Variants in MCTP1 observed in about 807,000 individuals in gnomAD.
MCTP1 encodes multiple C2 and transmembrane domain-containing protein 1.
In MCTP1, 69 loss-of-function variants were observed where a neutral mutation model predicts 120.6. That is an observed-to-expected ratio of 0.57 (90% CI 0.47 to 0.70). MCTP1 has a LOEUF of 0.70. Among genes scored for constraint, MCTP1 ranks in the 30% least tolerant of loss-of-function variants. The probability of loss-of-function intolerance (pLI) is 0.00; values close to 1 mark genes in which losing one functional copy is unlikely to be tolerated. For synonymous variants in MCTP1, 529 were observed against 493.1 expected (o/e 1.07, Z -0.96); for missense variants, 1,203 against 1,248.8 (o/e 0.96, Z 0.55).
intron 1 of MCTP1, among the ~76,000 whole-genome samples, chr5:95,157,142 A>T (rs935284263): frequency 6.6e-6 from 1 of 152,224 alleles, no homozygotes; most frequent in South Asian, 2.1e-4. Flanking sequence ...ATATATGTAA[A>T]TTAGTGAAAA....
chr5:95,199,731 C>T lies in MCTP1; in HGVS notation c.720+84125G>A, dbSNP rs112992554. ...AAAATTAGCCGGGTGTGGTGGTGCA[C>T]GCCTGTAATCCCAGCTACTCAGGAG... is the stretch of plus-strand genomic sequence containing the variant. On this transcript the variant is annotated intron_variant, in intron 1 of 22. Coordinates refer to ENST00000515393, the MANE Select transcript of MCTP1 (RefSeq NM_024717.7). Among the ~76,000 whole-genome samples, 411 of 151,348 alleles carry T rather than the reference C, an allele frequency of 2.7e-3. 2 individuals carry two copies. The highest frequency in any genetic ancestry group is 9.6e-3 in the African/African-American group (394 of 41,212).
intron 3 of MCTP1, among the ~76,000 whole-genome samples, chr5:94,952,101 G>A (rs2153530710): frequency 7.0e-6 from 1 of 143,238 alleles, no homozygotes; most frequent in African/African-American, 2.6e-5. Context: ...GAAACCAAGA[G>A]ATGAACGTTG....
At chr5:95,147,386 A>T (rs1760492043) in intron 1 of MCTP1, among the ~76,000 whole-genome samples, 1 of 152,100 alleles carries the variant, frequency 6.6e-6, no homozygotes, top group Non-Finnish European at 1.5e-5. Flanking sequence ...GCGCCCAGCT[A>T]TTGGGTGCTT....
At chr5:95,164,396 A>G (rs1052062912) in intron 1 of MCTP1, among the ~76,000 whole-genome samples, 3 of 152,178 alleles carry the variant, frequency 2.0e-5, no homozygotes, top group Non-Finnish European at 4.4e-5. Flanking sequence ...GCAACTTACC[A>G]CAGAGGGCAA....
intron 1 of MCTP1, among the ~76,000 whole-genome samples, chr5:95,254,604 T>A (rs1757694111): frequency 6.6e-6 from 1 of 152,182 alleles, no homozygotes; most frequent in South Asian, 2.1e-4. Flanking sequence ...TTGAGCCATA[T>A]GGGAGCTATA....
At chr5:95,230,389 G>A (rs1329878235) in intron 1 of MCTP1, among the ~76,000 whole-genome samples, 1 of 152,032 alleles carries the variant, frequency 6.6e-6, no homozygotes, top group Non-Finnish European at 1.5e-5. Context: ...TGTAAGTTTC[G>A]GGGCTGATAT....
intron 1 of MCTP1, among the ~76,000 whole-genome samples, chr5:95,137,404 C>T (rs1349645228): frequency 6.6e-6 from 1 of 152,248 alleles, no homozygotes; most frequent in Non-Finnish European, 1.5e-5. Flanking sequence ...GCTTGTAAAA[C>T]ACTTTGTACC....
intron 3 of MCTP1, among the ~76,000 whole-genome samples, chr5:94,942,888 A>C (rs56303305): frequency 0.18 from 27,397 of 152,092 alleles, 3,143 homozygotes; most frequent in South Asian, 0.29. Flanking sequence ...CTACTTTATA[A>C]AGTTATACTA....
At chr5:94,850,700 T>A (rs572423370) in intron 17 of MCTP1, among the ~76,000 whole-genome samples, 1 of 152,264 alleles carries the variant, frequency 6.6e-6, no homozygotes, top group South Asian at 2.1e-4. Context: ...TCTTTCTGAA[T>A]AATGTACATT....
At chr5:95,002,141 G>A (rs547107981) in intron 2 of MCTP1, among the ~76,000 whole-genome samples, 1 of 152,336 alleles carries the variant, frequency 6.6e-6, no homozygotes, top group East Asian at 1.9e-4. Flanking sequence ...AAGAATTGAC[G>A]TTTGAGAACC....
Position 95,096,955 on chromosome 5 carries a change from T to G in MCTP1, c.721-79471A>C, listed in dbSNP as rs566715579. 2.0e-5 allele frequency among the ~76,000 whole-genome samples: 3 copies of G among 152,296 alleles called. No homozygotes were observed. In the East Asian group the frequency reaches 5.8e-4, roughly 29 times the overall value. ...AGCTACACAATTTTGTGTGATTCCA[T>G]TATGTCTTTGCATTTTCATGATGTT... On this transcript the variant is annotated intron_variant, in intron 1 of 22. Transcript: ENST00000515393.
intron 17 of MCTP1, among the ~76,000 whole-genome samples, chr5:94,854,673 T>G (rs1246092568): frequency 2.0e-5 from 3 of 151,944 alleles, no homozygotes; most frequent in Admixed American, 2.0e-4. Flanking sequence ...GACCCATTAG[T>G]CCCCATACTG....
intron 1 of MCTP1, among the ~76,000 whole-genome samples, chr5:95,204,484 C>G (rs1751408722): frequency 6.6e-6 from 1 of 152,178 alleles, no homozygotes; most frequent in African/African-American, 2.4e-5. Flanking sequence ...GATGTTTGCT[C>G]TCTTCACATC....
chr5:94,863,767 T>C (rs1273417928), intron 17 of MCTP1, among the ~76,000 whole-genome samples: 2 of 151,838 alleles, frequency 1.3e-5, no homozygotes, highest in African/African-American at 2.4e-5. Context: ...TGGTCATTAT[T>C]ACATTCCCAT....
At position 95,201,433 on chromosome 5, in the gene MCTP1, T is replaced by C. The variant is rs138712219; in HGVS notation, c.720+82423A>G. On this transcript the variant is annotated intron_variant, in intron 1 of 22. Coordinates refer to ENST00000515393, the MANE Select transcript of MCTP1 (RefSeq NM_024717.7). ...TATAGGGATGAGTGTATTTTTTAAG[T>C]ACAAAAGGGATAAAATGTAAAGGAA... 2.7e-5 allele frequency among the ~76,000 whole-genome samples: 4 copies of C among 146,808 alleles called. No individual in the cohort carries two copies. In the East Asian group the frequency reaches 6.0e-4, roughly 22 times the overall value.
At chr5:95,235,356 C>A (rs1328856271) in intron 1 of MCTP1, among the ~76,000 whole-genome samples, 1 of 151,790 alleles carries the variant, frequency 6.6e-6, no homozygotes, top group South Asian at 2.1e-4. Context: ...CAGCTAACAT[C>A]ATAATGAAGA....
chr5:94,813,621 A>G (rs777762169), intron 17 of MCTP1, among the ~76,000 whole-genome samples: 3 of 152,154 alleles, frequency 2.0e-5, no homozygotes, highest in Non-Finnish European at 2.9e-5. Flanking sequence ...CTATTCAGTA[A>G]TAAAAAGAAG....
intron 1 of MCTP1, among the ~76,000 whole-genome samples, chr5:95,207,998 GGA>G (rs1271186735): frequency 1.1e-5 from 1 of 90,620 alleles, no homozygotes; most frequent in Admixed American, 1.1e-4. Flanking sequence ...AGAAAGAGAG[GGA>G]GAGAGAGGGA....
chr5:94,960,191 T>C (rs530406869), intron 2 of MCTP1, among the ~76,000 whole-genome samples: 1 of 152,152 alleles, frequency 6.6e-6, no homozygotes, highest in Non-Finnish European at 1.5e-5. Context: ...ATTTAATACA[T>C]GGTGTTGGGA....
Sources: allele counts gnomAD v4.1 joint callset (sites outside exome capture counted in the v4.1 genomes callset), GRCh38; gene constraint gnomAD v4.1.1; transcripts MANE v1.5; gene names NCBI Gene and HGNC (gene_info 2026-07-23, HGNC 2026-07-21).